The following FERMT1 variants were observed in gnomAD, a reference collection of about 807,000 sequenced individuals.
FERMT1 encodes FERM domain containing kindlin 1, also known as fermitin family homolog 1.
Under a neutral mutation model 85.3 loss-of-function variants are expected in FERMT1, and 60 were observed. The ratio of observed to expected loss-of-function variants is 0.70; its 90% CI spans 0.57 to 0.87. The LOEUF is 0.87. Ranked by LOEUF, FERMT1 falls within the 40% of genes least tolerant of loss-of-function variation. The probability of loss-of-function intolerance (pLI) is 0.00; values close to 1 mark genes in which losing one functional copy is unlikely to be tolerated. For synonymous variants in FERMT1, 275 were observed against 301.1 expected (o/e 0.91, Z 0.90); for missense variants, 701 against 818.9 (o/e 0.86, Z 1.76).
At chr20:6,103,501 A>G (rs1275652280) in intron 6 of FERMT1, among the ~76,000 whole-genome samples, 4 of 152,204 alleles carry the variant, frequency 2.6e-5, no homozygotes, top group Admixed American at 6.5e-5. Flanking sequence ...ATTGCCCTCT[A>G]TAGACTAATT....
At position 6,097,406 on chromosome 20, in the gene FERMT1, C is replaced by T. The variant is rs1600436527; in HGVS notation, c.957+118G>A. 3.8e-6 allele frequency: 3 copies of T among 781,274 alleles called. No homozygotes were observed. In the East Asian group the frequency reaches 7.8e-5, roughly 20 times the overall value. 48.4% of individuals were successfully genotyped at this position (781,274 alleles called of 1,614,324 possible). A position where few individuals can be genotyped will look rare whatever the true frequency, so the allele number is the denominator to read the frequency against. On this transcript the variant is annotated intron_variant, in intron 7 of 14. Transcript: ENST00000217289. ...AAAAATACAGAAAACAATTGCTCTC[C>T]TTATTTTCAGATATTTCTTCAAAGA...
At chr20:6,094,553 A>T (rs1020224356) in intron 9 of FERMT1, among the ~76,000 whole-genome samples, 2 of 152,060 alleles carry the variant, frequency 1.3e-5, no homozygotes, top group African/African-American at 4.8e-5. Context: ...AGTATGGCGG[A>T]TGTGTTTATT....
chr20:6,083,703 AAAC>A (rs1178267878), intron 13 of FERMT1, among the ~76,000 whole-genome samples: 1 of 149,728 alleles, frequency 6.7e-6, no homozygotes, highest in Non-Finnish European at 1.5e-5. Flanking sequence ...TAAAAAAAAA[AAAC>A]AAAAAAAAAA....
intron 11 of FERMT1, among the ~76,000 whole-genome samples, chr20:6,087,033 T>G (rs1982206962): frequency 6.6e-6 from 1 of 152,158 alleles, no homozygotes; most frequent in Admixed American, 6.5e-5. Context: ...TGTCTTCTGC[T>G]TTGGCCAATG....
In FERMT1 at chr20:6,097,611, G is replaced by A. The variant is rs1464021180; in HGVS notation, c.870C>T (p.Asn290=). 1 of 1,613,524 alleles carries A rather than the reference G, an allele frequency of 6.2e-7. No individual in the cohort carries two copies. Among genetic ancestry groups the A allele is most frequent in the Non-Finnish European group, 8.5e-7 (1 of 1,179,598 alleles). Residue 290 remains asparagine, a synonymous_variant, in exon 7 of 15, where the codon AAC becomes AAT. Coordinates refer to ENST00000217289, the MANE Select transcript of FERMT1 (RefSeq NM_017671.5). ...LNPKYDAVRI[N]QLYEQARWAI... is the part of the protein sequence containing the mutation. ...CCCACCTGGCTTGCTCATAGAGTTG[G>A]TTTATTCGGACAGCATCATACTAGA...
chr20:6,119,397 A>G lies in FERMT1; in HGVS notation c.151+7T>C. ...TACAGAGAAACCGTAAAGCAAGAGT[A>G]ACTTACTGATCTGTTCTACTAACTT... On this transcript the variant is annotated splice_region_variant and intron_variant, in intron 2 of 14. Transcript: ENST00000217289. 6.2e-7 allele frequency: 1 copy of G among 1,613,920 alleles called. No homozygotes were observed. Among genetic ancestry groups the G allele is most frequent in the African/African-American group, 1.3e-5 (1 of 75,062 alleles).
intron 6 of FERMT1, among the ~76,000 whole-genome samples, chr20:6,098,252 A>G (rs892502161): frequency 6.6e-6 from 1 of 150,796 alleles, no homozygotes; most frequent in Non-Finnish European, 1.5e-5. Flanking sequence ...CAGTGTAATA[A>G]GTAAACAGTG....
chr20:6,101,949 C>T (rs1023933587), intron 6 of FERMT1, among the ~76,000 whole-genome samples: 9 of 152,112 alleles, frequency 5.9e-5, no homozygotes, highest in Admixed American at 5.9e-4. Flanking sequence ...AGCCACTGTG[C>T]CCGCCCTATG....
intron 12 of FERMT1, among the ~76,000 whole-genome samples, chr20:6,084,655 A>AT (rs1039759094): frequency 9.3e-5 from 14 of 150,938 alleles, no homozygotes; most frequent in Non-Finnish European, 1.6e-4. Context: ...GCATCAACTG[A>AT]TTTTTTCATG....
chr20:6,077,202 A>C lies in FERMT1; in HGVS notation c.2005T>G (p.Phe669Val). The change falls in exon 15 of 15, where the codon TTC becomes GTC. Residue 669 changes from phenylalanine (F) to valine (V), a missense_variant. Coordinates refer to ENST00000217289, the MANE Select transcript of FERMT1 (RefSeq NM_017671.5). Reference sequence around the variant, plus strand: ...TCCTGACCGCCGGTCAATTTGTGGAACAAGTCCTCATCGAGTGTTTCATTC... The same window carrying C: ...TCCTGACCGCCGGTCAATTTGTGGACCAAGTCCTCATCGAGTGTTTCATTC... ...DQNETLDEDL[F>V]HKLTGGQD 6.2e-7 allele frequency: 1 copy of C among 1,614,150 alleles called. No individual in the cohort carries two copies. Among genetic ancestry groups the C allele is most frequent in the Non-Finnish European group, 8.5e-7 (1 of 1,180,038 alleles).
At chr20:6,090,541 G>A (rs1320905973) in intron 9 of FERMT1, among the ~76,000 whole-genome samples, 1 of 151,870 alleles carries the variant, frequency 6.6e-6, no homozygotes, top group Non-Finnish European at 1.5e-5. Flanking sequence ...AATTGCCTGA[G>A]GCCAGGAGTT....
At chr20:6,084,771 G>A (rs1485584596) in intron 12 of FERMT1, among the ~76,000 whole-genome samples, 2 of 150,796 alleles carry the variant, frequency 1.3e-5, no homozygotes, top group African/African-American at 4.9e-5. Flanking sequence ...TCAGCTCACT[G>A]CAGCCTCCAC....
At chr20:6,081,994 G>A (rs16991765) in intron 13 of FERMT1, among the ~76,000 whole-genome samples, 20,206 of 151,974 alleles carry the variant, frequency 0.13, 1,624 homozygotes, top group African/African-American at 0.22. Flanking sequence ...CATCATCCAG[G>A]GAGCGGTGAA....
At chr20:6,110,543 T>G (rs369967769) in intron 4 of FERMT1, 32 bp from the exon 5 acceptor site, 2 of 1,491,216 alleles carry the variant, frequency 1.3e-6, no homozygotes, top group Non-Finnish European at 1.9e-6. Context: ...AACTATGATA[T>G]GAGAATCCAG....
At chr20:6,116,758 A>G (rs539894298) in intron 2 of FERMT1, among the ~76,000 whole-genome samples, 1 of 151,720 alleles carries the variant, frequency 6.6e-6, no homozygotes, top group African/African-American at 2.4e-5. Context: ...AATAGGGACT[A>G]AATCTTACCA....
At chr20:6,115,668 A>G in intron 3 of FERMT1, 143 bp downstream of exon 3, 1 of 713,600 alleles carries the variant, frequency 1.4e-6, no homozygotes, top group Non-Finnish European at 2.5e-6. Flanking sequence ...AATGGCTGCA[A>G]TACCCAGAAG....
chr20:6,076,184 G>C lies in FERMT1; in HGVS notation c.*989C>G, dbSNP rs1390337456. The stretch of plus-strand genomic sequence containing the variant: ...TGACCCAGACCAGCCTAAAGCCCCT[G>C]TGGGGGCAGCCAGTGGGGAGCTGTC... On this transcript the variant is annotated 3_prime_UTR_variant, in exon 15 of 15. Transcript: ENST00000217289. The C allele has an allele frequency of 3.3e-6, 1 of 298,528 alleles. No individual in the cohort carries two copies. The highest frequency in any genetic ancestry group is 6.6e-6 in the Non-Finnish European group (1 of 150,456). 18.5% of individuals were successfully genotyped at this position (298,528 alleles called of 1,614,324 possible).
At chr20:6,094,276 A>G (rs1982443712) in intron 9 of FERMT1, 1 of 152,386 alleles carries the variant, frequency 6.6e-6, no homozygotes, top group East Asian at 1.9e-4. Context: ...GTTTCTTTCA[A>G]CCTAACATAC....
At chr20:6,115,766 T>C (rs377409372) in intron 3 of FERMT1, 45 bp downstream of exon 3, 4 of 1,409,192 alleles carry the variant, frequency 2.8e-6, no homozygotes, top group Non-Finnish European at 4.0e-6. Context: ...CCTGTCTAGC[T>C]TTGCAAGAGT....
Sources: allele counts gnomAD v4.1 joint callset (sites outside exome capture counted in the v4.1 genomes callset), GRCh38; gene constraint gnomAD v4.1.1; transcripts MANE v1.5; gene names NCBI Gene and HGNC (gene_info 2026-07-23, HGNC 2026-07-21).